KIF5C: variants seen among roughly 807,000 people sequenced by gnomAD.
KIF5C encodes kinesin family member 5C, also known as kinesin heavy chain isoform 5C.
Under a neutral mutation model 125.2 loss-of-function variants are expected in KIF5C, and 18 were observed. The ratio of observed to expected loss-of-function variants is 0.14; its 90% CI spans 0.10 to 0.21. KIF5C has a LOEUF of 0.21. KIF5C is among the 10% of genes least tolerant of loss of function. The pLI, the probability that KIF5C is intolerant of heterozygous loss-of-function variation, is 1.00. For missense variants in KIF5C, 780 were observed against 1,183.8 expected (o/e 0.66, Z 5.01); for synonymous variants, 405 against 434.0 (o/e 0.93, Z 0.83).
At chr2:148,979,899 G>C (rs1225326857) in intron 13 of KIF5C, among the ~76,000 whole-genome samples, 1 of 152,198 alleles carries the variant, frequency 6.6e-6, no homozygotes, top group Non-Finnish European at 1.5e-5. Flanking sequence ...AAGAACCTAA[G>C]CAAAGGATAG....
At chr2:148,989,601 C>T (rs1437478965) in intron 15 of KIF5C, among the ~76,000 whole-genome samples, 5 of 152,212 alleles carry the variant, frequency 3.3e-5, no homozygotes, top group African/African-American at 4.8e-5. Flanking sequence ...ACGTTCCCAC[C>T]AGCAGTGTAA....
Position 149,005,472 on chromosome 2 carries a change from CTCTT to C in KIF5C, c.2445+10_2445+13del. On this transcript the variant is annotated intron_variant, in intron 22 of 25. Transcript: ENST00000435030. ...ACCACCCGAGTTAAAAAAGTGAGTTCTCTTTGTCTGAATGGGACTGAGAAGAAAA... is the reference window on the plus strand; with the variant it reads ...ACCACCCGAGTTAAAAAAGTGAGTTCTGTCTGAATGGGACTGAGAAGAAAA... 1.1e-5 allele frequency: 18 copies of C among 1,613,324 alleles called. No homozygotes were observed. The highest frequency in any genetic ancestry group is 1.5e-5 in the Non-Finnish European group (18 of 1,179,664).
chr2:148,991,171 G>A lies in KIF5C; in HGVS notation c.1878G>A (p.Leu626=). 6.2e-7 allele frequency: 1 copy of A among 1,613,706 alleles called. No individual in the cohort carries two copies. Among genetic ancestry groups the A allele is most frequent in the Middle Eastern group, 1.7e-4 (1 of 6,028 alleles). ...AGATGAATGCCAGCGAGCGGGAGCT[G>A]GCAGCCTGCCAGCTGCTCATCTCCC... ...NRKMNASERE[L]AACQLLISQH... is the part of the protein sequence containing the mutation. Residue 626 remains leucine, a synonymous_variant, in exon 16 of 26, where the codon CTG becomes CTA. Transcript: ENST00000435030.
chr2:148,974,604 C>T (rs1297445823), intron 12 of KIF5C, among the ~76,000 whole-genome samples: 2 of 152,152 alleles, frequency 1.3e-5, no homozygotes, highest in African/African-American at 4.8e-5. Flanking sequence ...CTTTAGGCTC[C>T]ACGCATACCG....
chr2:148,974,001 T>C (rs1439882190), intron 12 of KIF5C, among the ~76,000 whole-genome samples: 7 of 152,190 alleles, frequency 4.6e-5, no homozygotes, highest in Non-Finnish European at 1.0e-4. Flanking sequence ...TTCACCTAAT[T>C]GGTGAAGCTC....
intron 21 of KIF5C, among the ~76,000 whole-genome samples, chr2:149,001,534 G>A (rs772645467): frequency 2.0e-5 from 3 of 152,192 alleles, no homozygotes; most frequent in Non-Finnish European, 4.4e-5. Flanking sequence ...AGGGCTTTGG[G>A]TGGAGGAGTG....
chr2:148,966,337 A>C (rs1683047626), intron 11 of KIF5C, among the ~76,000 whole-genome samples: 1 of 150,056 alleles, frequency 6.7e-6, no homozygotes, highest in Admixed American at 6.6e-5. Flanking sequence ...TGTGTAGCAA[A>C]GTGTGTGTGT....
intron 7 of KIF5C, among the ~76,000 whole-genome samples, chr2:148,946,009 A>G (rs1213076088): frequency 8.5e-5 from 13 of 152,126 alleles, no homozygotes; most frequent in Admixed American, 6.5e-4. Flanking sequence ...TCCAGTGTAC[A>G]AGTCTTTCTC....
rs1250816589 is a variant in KIF5C, at chr2:149,010,317, G to A, written c.2733G>A (p.Lys911=). Residue 911 remains lysine, a synonymous_variant, in exon 24 of 26, where the codon AAG becomes AAA. Transcript: ENST00000435030. ...GTATCAAGGAGGCCGTGCGGGCCAA[G>A]AACATGGCCAGAAGGGCCCATTCAG... The part of the protein sequence containing the change: ...VDRIKEAVRA[K]NMARRAHSAQ... The A allele has an allele frequency of 1.9e-6, 3 of 1,592,482 alleles. No individual in the cohort carries two copies. Among genetic ancestry groups the A allele is most frequent in the South Asian group, 2.3e-5 (2 of 87,118 alleles).
Position 148,875,268 on chromosome 2 carries a change from A to C in KIF5C, c.-350A>C. On this transcript the variant is annotated 5_prime_UTR_variant, in exon 1 of 26. Transcript: ENST00000435030. ...GATGCAGGATGGCTGAGCGCGCAGG[A>C]GCCCGGGAGGTCTGAGCCGGGCGAG... is the stretch of plus-strand genomic sequence containing the variant. The C allele has an allele frequency of 4.8e-6, 1 of 209,500 alleles. No homozygotes were observed. Among genetic ancestry groups the C allele is most frequent in the South Asian group, 1.7e-4 (1 of 5,872 alleles). The allele number at this position is 209,500 out of a possible 1,614,324, so 13.0% of individuals were successfully genotyped here.
Position 148,924,192 on chromosome 2 carries a change from C to T in KIF5C, c.217+1965C>T, listed in dbSNP as rs1252319159. Reference sequence around the variant, plus strand: ...TAAAACATAGAGGTACAAGAAAGAACTCCTTGGAACAGATGATCAAGTATA... The same window carrying T: ...TAAAACATAGAGGTACAAGAAAGAATTCCTTGGAACAGATGATCAAGTATA... On this transcript the variant is annotated intron_variant, in intron 2 of 25. Coordinates refer to ENST00000435030, the MANE Select transcript of KIF5C (RefSeq NM_004522.3). This position sits in a 1 kb window ranked among gnomAD's most constrained non-coding sequence, Gnocchi z 4.0. Among the ~76,000 whole-genome samples, 7 of 152,176 alleles carry T rather than the reference C, an allele frequency of 4.6e-5. No homozygotes were observed. The highest frequency in any genetic ancestry group is 4.4e-5 in the Non-Finnish European group (3 of 68,022).
intron 11 of KIF5C, among the ~76,000 whole-genome samples, chr2:148,965,579 G>A (rs1683029954): frequency 6.6e-6 from 1 of 152,150 alleles, no homozygotes; most frequent in Non-Finnish European, 1.5e-5. Context: ...CCCATGGAGG[G>A]GGCAGAGCTA....
Position 148,981,483 on chromosome 2 carries a change from T to G in KIF5C, c.1491T>G (p.Asn497Lys). ...AGGCCCTGGAGGAGCTGGCTGTCAA[T>G]TATGACCAGAAATCACAGGAAGTGG... ...VLQALEELAV[N>K]YDQKSQEVED... The change falls in exon 14 of 26, where the codon AAT (asparagine) becomes AAG (lysine). Residue 497 changes from asparagine to lysine, a missense_variant. By Grantham distance (94) the Asn-to-Lys change is moderately conservative. Transcript: ENST00000435030. 2 of 1,607,982 alleles carry G rather than the reference T, an allele frequency of 1.2e-6. No individual in the cohort carries two copies. The highest frequency in any genetic ancestry group is 1.7e-6 in the Non-Finnish European group (2 of 1,177,244).
chr2:148,898,494 C>A (rs1388364730), intron 1 of KIF5C, among the ~76,000 whole-genome samples: 1 of 152,084 alleles, frequency 6.6e-6, no homozygotes, highest in East Asian at 1.9e-4. Flanking sequence ...ACCATTTGAC[C>A]TTCAAATAAA....
At chr2:149,020,428 C>T (rs1682498880) in intron 25 of KIF5C, 1 of 152,240 alleles carries the variant, frequency 6.6e-6, no homozygotes, top group African/African-American at 2.4e-5. Flanking sequence ...CCCCGTGTTT[C>T]TTCCAAACTA....
intron 4 of KIF5C, among the ~76,000 whole-genome samples, chr2:148,940,513 C>G (rs1682385080): frequency 6.6e-6 from 1 of 152,158 alleles, no homozygotes. Flanking sequence ...AGGGCTGAGT[C>G]AGAGCTGGGA....
chr2:148,994,144 C>T (rs755269506), intron 16 of KIF5C, among the ~76,000 whole-genome samples: 1 of 152,150 alleles, frequency 6.6e-6, no homozygotes, highest in South Asian at 2.1e-4. Flanking sequence ...GAAACCAGCT[C>T]GGCCTTTGGC....
At chr2:148,975,246 C>T (rs1383155743) in intron 12 of KIF5C, among the ~76,000 whole-genome samples, 2 of 152,160 alleles carry the variant, frequency 1.3e-5, no homozygotes, top group Non-Finnish European at 2.9e-5. Context: ...TGACCCTTCC[C>T]AAAGACTGCC....
At chr2:148,975,682 T>C (rs1362438768) in intron 12 of KIF5C, among the ~76,000 whole-genome samples, 1 of 152,200 alleles carries the variant, frequency 6.6e-6, no homozygotes, top group Non-Finnish European at 1.5e-5. Context: ...CAAGCACAGG[T>C]ACTCTCCCAA....
Sources: allele counts gnomAD v4.1 joint callset (sites outside exome capture counted in the v4.1 genomes callset), GRCh38; gene constraint gnomAD v4.1.1; non-coding constraint Gnocchi (gnomAD v3.1); transcripts MANE v1.5; gene names NCBI Gene and HGNC (gene_info 2026-07-23, HGNC 2026-07-21).